Variants in CYYR1 observed in about 807,000 individuals in gnomAD.
The protein encoded by CYYR1 is cysteine and tyrosine-rich protein 1.
A neutral mutation model predicts 15.2 loss-of-function variants in CYYR1; 14 were observed. That is an observed-to-expected ratio of 0.92 (90% CI 0.61 to 1.44). The LOEUF is 1.44. CYYR1 is among the 40% of genes most tolerant of loss of function. The pLI, the probability that CYYR1 is intolerant of heterozygous loss-of-function variation, is 0.00. For missense variants in CYYR1, 228 were observed against 209.5 expected, an observed-to-expected ratio of 1.09 and a Z score of -0.54; for synonymous variants, 80 against 77.4, an observed-to-expected ratio of 1.03 and a Z score of -0.18.
intron 2 of CYYR1, among the ~76,000 whole-genome samples, chr21:26,489,557 T>G (rs530838139): frequency 6.6e-6 from 1 of 151,972 alleles, no homozygotes; most frequent in African/African-American, 2.4e-5. Flanking sequence ...TACATGCACA[T>G]ACATATTGTT....
Position 26,480,381 on chromosome 21 carries a change from C to T in CYYR1, c.225G>A (p.Gly75=), listed in dbSNP as rs1306080725. Reference sequence around the variant, plus strand: ...TGCATATGGCAATCCCAGCAATGACCCCCATGATAAATACTATTCCAAAAA... The same window carrying T: ...TGCATATGGCAATCCCAGCAATGACTCCCATGATAAATACTATTCCAAAAA... The part of the protein sequence containing the change: ...GIVFGIVFIM[G]VIAGIAICIC... The change falls in exon 3 of 4, where the codon GGG becomes GGA. Residue 75 remains glycine, a synonymous_variant. Transcript: ENST00000652641. 2 of 1,613,436 alleles carry T rather than the reference C, an allele frequency of 1.2e-6. No homozygotes were observed. The highest frequency in any genetic ancestry group is 2.2e-5 in the South Asian group (2 of 91,040).
rs145792255 is a variant in CYYR1, at chr21:26,506,942, T to C, written c.177-26513A>G. On this transcript the variant is annotated intron_variant, in intron 2 of 3. Transcript: ENST00000652641. ...AGAAAAATCCATAATATCATCCTTT[T>C]CACAGCAGTACTTATAAGCTTTGAG... Among the ~76,000 whole-genome samples the C allele has an allele frequency of 1.6e-3, 248 of 152,290 alleles. 2 individuals carry two copies. The highest frequency in any genetic ancestry group is 5.6e-3 in the African/African-American group (232 of 41,552).
At chr21:26,480,139 T>C in intron 3 of CYYR1, 133 bp downstream of exon 3, 1 of 890,270 alleles carries the variant, frequency 1.1e-6, no homozygotes, top group Non-Finnish European at 1.6e-6. Context: ...AGAACTTCAA[T>C]CTACATGTAC....
chr21:26,544,075 C>G (rs1432524213), intron 2 of CYYR1, among the ~76,000 whole-genome samples: 1 of 152,128 alleles, frequency 6.6e-6, no homozygotes, highest in Non-Finnish European at 1.5e-5. Context: ...TTGTCACTAA[C>G]ATACCATTTC....
rs115310170 is a variant in CYYR1 at position 26,570,744 on chromosome 21, T to A, written c.73+2124A>T. Among the ~76,000 whole-genome samples, 1,106 of 152,364 alleles carry A rather than the reference T, an allele frequency of 7.3e-3. 6 individuals are homozygous for A. The highest frequency in any genetic ancestry group is 0.025 in the African/African-American group (1,050 of 41,580). On this transcript the variant is annotated intron_variant, in intron 1 of 3. Coordinates refer to ENST00000652641, the MANE Select transcript of CYYR1 (RefSeq NM_001320768.2). The stretch of plus-strand genomic sequence containing the variant: ...TAATAGTATGAACTATTTTGACTTC[T>A]GTGGTGTTCCAGCATCTAACCTCAA...
intron 2 of CYYR1, among the ~76,000 whole-genome samples, chr21:26,495,321 A>T (rs1201218794): frequency 6.6e-6 from 1 of 152,212 alleles, no homozygotes; most frequent in Non-Finnish European, 1.5e-5. Context: ...GAGTGCTAGC[A>T]GCAAGCTTGC....
chr21:26,525,753 C>T (rs1182660009), intron 2 of CYYR1, among the ~76,000 whole-genome samples: 1 of 152,198 alleles, frequency 6.6e-6, no homozygotes, highest in Admixed American at 6.5e-5. Context: ...TCATTGCCTA[C>T]ATGTGAATCA....
intron 2 of CYYR1, chr21:26,550,956 G>C (rs1979342279): frequency 6.6e-6 from 1 of 152,558 alleles, no homozygotes; most frequent in Admixed American, 6.5e-5. Context: ...ACAGGGAAAA[G>C]TCAATGACTG....
chr21:26,515,341 A>G (rs2065712217), intron 2 of CYYR1, among the ~76,000 whole-genome samples: 1 of 151,698 alleles, frequency 6.6e-6, no homozygotes, highest in African/African-American at 2.4e-5. Flanking sequence ...ATCCACCCTG[A>G]TCTCTTTTTC....
intron 2 of CYYR1, among the ~76,000 whole-genome samples, chr21:26,524,949 G>A (rs377763729): frequency 6.6e-6 from 1 of 152,172 alleles, no homozygotes; most frequent in African/African-American, 2.4e-5. Flanking sequence ...CACAGAGCAT[G>A]TATTGAAGGG....
chr21:26,540,443 G>A (rs920286378), intron 2 of CYYR1, among the ~76,000 whole-genome samples: 1 of 152,062 alleles, frequency 6.6e-6, no homozygotes, highest in South Asian at 2.1e-4. Context: ...TTAGAACTAC[G>A]AAAACAGACG....
intron 2 of CYYR1, among the ~76,000 whole-genome samples, chr21:26,547,305 A>C (rs912615828): frequency 6.6e-6 from 1 of 152,120 alleles, no homozygotes; most frequent in Non-Finnish European, 1.5e-5. Context: ...AGACTCGCCA[A>C]AGAAAAAAAC....
Position 26,480,343 on chromosome 21 carries a change from A to C in CYYR1, c.263T>G (p.Met88Arg). The change falls in exon 3 of 4, where the codon ATG becomes AGG. Residue 88 changes from methionine (M) to arginine (R), a missense_variant. Transcript: ENST00000652641. ...AGIAICICMC[M>R]KNHRATRVGI... Reference sequence around the variant, plus strand: ...CACGCGGGTCGCCCTGTGGTTCTTCATGCACATGCAGATGCATATGGCAAT... The same window carrying C: ...CACGCGGGTCGCCCTGTGGTTCTTCCTGCACATGCAGATGCATATGGCAAT... The C allele has an allele frequency of 6.2e-7, 1 of 1,613,666 alleles. No individual in the cohort carries two copies. The highest frequency in any genetic ancestry group is 8.5e-7 in the Non-Finnish European group (1 of 1,179,732).
chr21:26,538,545 C>A (rs1978338601), intron 2 of CYYR1, among the ~76,000 whole-genome samples: 1 of 152,070 alleles, frequency 6.6e-6, no homozygotes, highest in South Asian at 2.1e-4. Flanking sequence ...GTTTTTGCCA[C>A]TCTTTTTTCT....
intron 2 of CYYR1, among the ~76,000 whole-genome samples, chr21:26,522,743 A>G (rs985397497): frequency 4.6e-5 from 7 of 151,696 alleles, no homozygotes; most frequent in Admixed American, 6.6e-5. Context: ...TGATGATCAT[A>G]TACAGTGAAA....
In CYYR1 at chr21:26,542,481, C is replaced by T. The variant is rs147798956; in HGVS notation, c.176+23785G>A. 6.7e-3 allele frequency among the ~76,000 whole-genome samples: 1,022 copies of T among 151,916 alleles called. 8 individuals carry two copies. Among genetic ancestry groups the T allele is most frequent in the African/African-American group, 0.023 (964 of 41,416 alleles). On this transcript the variant is annotated intron_variant, in intron 2 of 3. Transcript: ENST00000652641. Reference sequence around the variant, plus strand: ...CCTCCATTCATTACAGAACTCTCAGCGAATTAGGAACAGAAAGAAATTTCC... The same window carrying T: ...CCTCCATTCATTACAGAACTCTCAGTGAATTAGGAACAGAAAGAAATTTCC...
chr21:26,535,685 T>C lies in CYYR1; in HGVS notation c.176+30581A>G, dbSNP rs1002293011. On this transcript the variant is annotated intron_variant, in intron 2 of 3. Transcript: ENST00000652641. ...TGTTTCGTATGCAATCTCTGCATTC[T>C]GAGAGCTCTTTTCCATACCTGTGCT... is the stretch of plus-strand genomic sequence containing the variant. Among the ~76,000 whole-genome samples, 8 of 152,210 alleles carry C rather than the reference T, an allele frequency of 5.3e-5. 1 individual carries two copies. Among genetic ancestry groups the C allele is most frequent in the African/African-American group, 1.9e-4 (8 of 41,458 alleles).
At chr21:26,472,845 C>CT (rs777668003) in intron 3 of CYYR1, among the ~76,000 whole-genome samples, 7 of 151,996 alleles carry the variant, frequency 4.6e-5, no homozygotes, top group Non-Finnish European at 8.8e-5. Flanking sequence ...AATTAGTCTT[C>CT]TTTTTCAGAT....
At chr21:26,572,836 T>G in intron 1 of CYYR1, 32 bp downstream of exon 1, 1 of 1,611,818 alleles carries the variant, frequency 6.2e-7, no homozygotes, top group East Asian at 2.2e-5. Flanking sequence ...GCCCCGAGCC[T>G]CTGACCCTCT....
Sources: gnomAD v4.1 joint callset for allele counts (sites outside exome capture counted in the v4.1 genomes callset) on GRCh38, gnomAD v4.1.1 for gene constraint, MANE v1.5 for transcripts, NCBI Gene and HGNC (gene_info 2026-07-23, HGNC 2026-07-21) for gene names.